The following L3MBTL4 variants were observed in gnomAD, a reference collection of about 807,000 sequenced individuals.
L3MBTL4 encodes L3MBTL histone methyl-lysine binding protein 4, also known as lethal(3)malignant brain tumor-like protein 4.
Under a neutral mutation model 84.5 loss-of-function variants are expected in L3MBTL4, and 70 were observed. That is an observed-to-expected ratio of 0.83 (90% CI 0.68 to 1.01). The LOEUF is 1.01. Among genes scored for constraint, L3MBTL4 ranks in the 50% least tolerant of loss-of-function variants. The probability of loss-of-function intolerance (pLI) is 0.00; values close to 1 mark genes in which losing one functional copy is unlikely to be tolerated. For missense variants in L3MBTL4, 715 were observed against 754.8 expected, an observed-to-expected ratio of 0.95 and a Z score of 0.62; for synonymous variants, 274 against 259.8, an observed-to-expected ratio of 1.05 and a Z score of -0.52.
chr18:6,053,537 C>A (rs2056908682), intron 16 of L3MBTL4, among the ~76,000 whole-genome samples: 1 of 152,238 alleles, frequency 6.6e-6, no homozygotes, highest in Admixed American at 6.5e-5. Flanking sequence ...ACAAAGATTA[C>A]TTCTGTGAGG....
chr18:6,338,557 A>G (rs2052454231), intron 1 of L3MBTL4, among the ~76,000 whole-genome samples: 1 of 152,032 alleles, frequency 6.6e-6, no homozygotes, highest in Non-Finnish European at 1.5e-5. Flanking sequence ...TAGTAAACAC[A>G]AAGGCCAGTA....
chr18:6,227,671 A>T (rs543895368), intron 10 of L3MBTL4, among the ~76,000 whole-genome samples: 5 of 152,322 alleles, frequency 3.3e-5, no homozygotes, highest in African/African-American at 1.2e-4. Flanking sequence ...TTAAGAAAAG[A>T]AAACTCCAGA....
intron 1 of L3MBTL4, among the ~76,000 whole-genome samples, chr18:6,355,054 C>T (rs949988539): frequency 3.3e-5 from 5 of 152,110 alleles, no homozygotes; most frequent in African/African-American, 1.2e-4. Flanking sequence ...AGGAGATGAA[C>T]AGATAAAGTA....
intron 5 of L3MBTL4, among the ~76,000 whole-genome samples, chr18:6,246,270 AGT>A (rs2047661739): frequency 6.6e-6 from 1 of 152,302 alleles, no homozygotes; most frequent in East Asian, 1.9e-4. Context: ...ATCTGTCAAA[AGT>A]GTTTTTCAAT....
At chr18:6,284,844 G>A (rs2049491823) in intron 4 of L3MBTL4, among the ~76,000 whole-genome samples, 2 of 152,228 alleles carry the variant, frequency 1.3e-5, no homozygotes, top group Admixed American at 1.3e-4. Flanking sequence ...GCCCAAACTG[G>A]TAGGAGGGCA....
intron 10 of L3MBTL4, among the ~76,000 whole-genome samples, chr18:6,225,006 T>A (rs964535635): frequency 2.0e-5 from 3 of 151,930 alleles, no homozygotes; most frequent in African/African-American, 4.8e-5. Context: ...TTATTGAATA[T>A]CCTTAGAGAG....
chr18:6,235,827 T>C (rs1338850435), intron 10 of L3MBTL4, among the ~76,000 whole-genome samples: 1 of 152,218 alleles, frequency 6.6e-6, no homozygotes. Flanking sequence ...TGGTTAACTG[T>C]ATGCTGTGTG....
intron 14 of L3MBTL4, among the ~76,000 whole-genome samples, chr18:6,112,848 AAATT>A (rs1186921476): frequency 2.6e-5 from 4 of 152,196 alleles, no homozygotes; most frequent in Non-Finnish European, 5.9e-5. Context: ...ATTCAAATTT[AAATT>A]AATGAAAGGT....
intron 16 of L3MBTL4, among the ~76,000 whole-genome samples, chr18:6,059,727 C>T (rs891097828): frequency 1.3e-5 from 2 of 152,202 alleles, no homozygotes; most frequent in African/African-American, 2.4e-5. Context: ...GCTGTGATGA[C>T]GCTTCTAGCA....
chr18:6,273,967 A>C (rs1352894727), intron 4 of L3MBTL4, among the ~76,000 whole-genome samples: 1 of 152,214 alleles, frequency 6.6e-6, no homozygotes, highest in Non-Finnish European at 1.5e-5. Flanking sequence ...CCTCAGATTT[A>C]ATGAATCAGA....
At chr18:6,292,868 C>G (rs2049928220) in intron 4 of L3MBTL4, among the ~76,000 whole-genome samples, 1 of 113,638 alleles carries the variant, frequency 8.8e-6, no homozygotes, top group Admixed American at 8.5e-5. Context: ...CTGAAACCAC[C>G]TCCTCCAACT....
At chr18:6,407,006 A>C (rs2144712238) in intron 1 of L3MBTL4, among the ~76,000 whole-genome samples, 1 of 152,342 alleles carries the variant, frequency 6.6e-6, no homozygotes, top group South Asian at 2.1e-4. Context: ...CATCACGGTG[A>C]TTAATGTGTA....
At chr18:6,222,949 T>TTATAA (rs11281784) in intron 10 of L3MBTL4, among the ~76,000 whole-genome samples, 24,155 of 145,534 alleles carry the variant, frequency 0.17, 2,063 homozygotes, top group East Asian at 0.26. Flanking sequence ...AATTTTTCTA[T>TTATAA]TATAATATAA....
intron 16 of L3MBTL4, among the ~76,000 whole-genome samples, chr18:6,072,569 G>A (rs544664810): frequency 5.3e-5 from 8 of 151,550 alleles, no homozygotes; most frequent in Admixed American, 2.0e-4. Context: ...GGCCGGGAGC[G>A]GTGGCTCACG....
intron 16 of L3MBTL4, among the ~76,000 whole-genome samples, chr18:6,039,926 T>G (rs1165352130): frequency 4.6e-5 from 7 of 152,350 alleles, no homozygotes; most frequent in South Asian, 4.1e-4. Flanking sequence ...ACAATGTTCA[T>G]TAGCTTAAGT....
intron 16 of L3MBTL4, among the ~76,000 whole-genome samples, chr18:6,011,918 T>C (rs917277014): frequency 1.3e-5 from 2 of 152,262 alleles, no homozygotes; most frequent in Non-Finnish European, 2.9e-5. Flanking sequence ...TCACTGTTTA[T>C]TGAAACAATG....
At chr18:6,174,800 G>A (rs1391344599) in intron 12 of L3MBTL4, among the ~76,000 whole-genome samples, 2 of 151,240 alleles carry the variant, frequency 1.3e-5, no homozygotes, top group South Asian at 2.1e-4. Context: ...CATGGGAAGC[G>A]GAGTTTGCAG....
At chr18:5,973,365 A>G (rs1004675024) in intron 16 of L3MBTL4, among the ~76,000 whole-genome samples, 1 of 152,246 alleles carries the variant, frequency 6.6e-6, no homozygotes, top group Non-Finnish European at 1.5e-5. Context: ...ACCGTGTCAG[A>G]TGCTAAAATG....
chr18:6,364,859 T>C (rs2053861711), intron 1 of L3MBTL4, among the ~76,000 whole-genome samples: 1 of 152,038 alleles, frequency 6.6e-6, no homozygotes, highest in African/African-American at 2.4e-5. Flanking sequence ...ATAAACAAAA[T>C]TTAAGGCAGA....
Sources: gnomAD v4.1 joint callset for allele counts (sites outside exome capture counted in the v4.1 genomes callset) on GRCh38, gnomAD v4.1.1 for gene constraint, MANE v1.5 for transcripts, NCBI Gene and HGNC (gene_info 2026-07-23, HGNC 2026-07-21) for gene names.